PTCHD4: variants seen among roughly 807,000 people sequenced by gnomAD.
PTCHD4 encodes patched domain containing 4, also known as patched domain-containing protein 4.
In PTCHD4, 33 loss-of-function variants were observed where a neutral mutation model predicts 58.1. The ratio of observed to expected loss-of-function variants is 0.57; its 90% CI spans 0.43 to 0.76. PTCHD4 has a LOEUF of 0.76. PTCHD4 is among the 30% of genes least tolerant of loss of function. PTCHD4 has a pLI of 0.00. For synonymous variants in PTCHD4, 478 were observed against 409.6 expected (o/e 1.17, Z -2.02); for missense variants, 1,058 against 1,027.1 (o/e 1.03, Z -0.41).
intron 1 of PTCHD4, among the ~76,000 whole-genome samples, chr6:48,082,604 C>T (rs1217912459): frequency 6.6e-6 from 1 of 152,152 alleles, no homozygotes; most frequent in Non-Finnish European, 1.5e-5. Flanking sequence ...CCCAAGATGC[C>T]ATCCCTGCCA....
rs10807378 is a variant in PTCHD4 at position 47,865,395 on chromosome 6, T to C, written c.*12908A>G. Among the ~76,000 whole-genome samples, 112,081 of 151,686 alleles carry C rather than the reference T, an allele frequency of 0.74. 41,633 individuals are homozygous for C. The highest frequency in any genetic ancestry group is 0.84 in the East Asian group (4,305 of 5,118). On this transcript the variant is annotated 3_prime_UTR_variant, in exon 5 of 5. Coordinates refer to ENST00000339488, the MANE Select transcript of PTCHD4 (RefSeq NM_001384253.1). ...TTTCCTGAAAATTTGTGGTAAAGCT[T>C]TACAAATGTTATAAAAATGGGCCAC...
chr6:47,949,083 TCTTAGATCA>T (rs1193515432), intron 4 of PTCHD4, among the ~76,000 whole-genome samples: 1 of 152,194 alleles, frequency 6.6e-6, no homozygotes, highest in Non-Finnish European at 1.5e-5. Context: ...AATGCATATT[TCTTAGATCA>T]CGAAGAGGAT....
intron 3 of PTCHD4, among the ~76,000 whole-genome samples, chr6:48,051,092 T>C (rs1764218858): frequency 6.6e-6 from 1 of 151,928 alleles, no homozygotes; most frequent in Non-Finnish European, 1.5e-5. Flanking sequence ...TTTCAATCAG[T>C]AAACTGTGAG....
intron 4 of PTCHD4, among the ~76,000 whole-genome samples, chr6:47,961,862 CA>C (rs1336312200): frequency 1.4e-4 from 21 of 151,556 alleles, no homozygotes; most frequent in Non-Finnish European, 2.1e-4. Flanking sequence ...AGGAAACTAG[CA>C]AAATAAAATG....
At chr6:48,015,550 G>C (rs1425432219) in intron 3 of PTCHD4, among the ~76,000 whole-genome samples, 1 of 151,760 alleles carries the variant, frequency 6.6e-6, no homozygotes, top group African/African-American at 2.4e-5. Context: ...TGCATCAGCT[G>C]TTCCCTCTGC....
At chr6:47,938,133 A>G in intron 4 of PTCHD4, among the ~76,000 whole-genome samples, 1 of 152,212 alleles carries the variant, frequency 6.6e-6, no homozygotes, top group East Asian at 1.9e-4. Flanking sequence ...AGCCTGGGCG[A>G]CAGAGAGAGA....
chr6:47,992,316 T>C (rs1768309355), intron 4 of PTCHD4, among the ~76,000 whole-genome samples: 1 of 152,142 alleles, frequency 6.6e-6, no homozygotes, highest in South Asian at 2.1e-4. Flanking sequence ...CACACACACA[T>C]ACATATGCAC....
chr6:47,950,478 A>G (rs78226800), intron 4 of PTCHD4, among the ~76,000 whole-genome samples: 7,315 of 152,242 alleles, frequency 0.048, 208 homozygotes, highest in African/African-American at 0.063. Context: ...TAGATATTGG[A>G]TGAGAAAGAT....
intron 4 of PTCHD4, among the ~76,000 whole-genome samples, chr6:47,894,251 A>C (rs1216295584): frequency 6.6e-6 from 1 of 152,264 alleles, no homozygotes; most frequent in Non-Finnish European, 1.5e-5. Context: ...CCCTTTCAGC[A>C]GTCCACAGCT....
In PTCHD4 at chr6:47,866,729, C is replaced by T. The variant is rs914315702; in HGVS notation, c.*11574G>A. Among the ~76,000 whole-genome samples the T allele has an allele frequency of 6.6e-6, 1 of 151,796 alleles. No individual in the cohort carries two copies. The highest frequency in any genetic ancestry group is 1.5e-5 in the Non-Finnish European group (1 of 67,854). On this transcript the variant is annotated 3_prime_UTR_variant, in exon 5 of 5. Transcript: ENST00000339488. ...GGGAGCACCACTATTATAATTAAAA[C>T]TTTAACTATTAAAAAGGACAAGGGT... is the stretch of plus-strand genomic sequence containing the variant.
chr6:48,033,097 A>G lies in PTCHD4; in HGVS notation c.418-23983T>C, dbSNP rs75785299. 7.3e-3 allele frequency among the ~76,000 whole-genome samples: 1,114 copies of G among 152,232 alleles called. 8 individuals carry two copies. Among genetic ancestry groups the G allele is most frequent in the African/African-American group, 0.024 (995 of 41,554 alleles). Reference sequence around the variant, plus strand: ...GGGTTATGATTATAAAAAGAAACCAATTGGTCTAATTTATACATGAAATTC... The same window carrying G: ...GGGTTATGATTATAAAAAGAAACCAGTTGGTCTAATTTATACATGAAATTC... On this transcript the variant is annotated intron_variant, in intron 3 of 4. Coordinates refer to ENST00000339488, the MANE Select transcript of PTCHD4 (RefSeq NM_001384253.1).
At position 48,111,191 on chromosome 6, in the gene PTCHD4, T is replaced by G. The variant is rs1765869518; in HGVS notation, c.-1112A>C. ...GCATCCCTCTACCGATGGCCAGACT[T>G]CTCACTGGGCAAGTCTGGGCAAGCC... On this transcript the variant is annotated 5_prime_UTR_variant, in exon 1 of 5. Transcript: ENST00000339488. Among the ~76,000 whole-genome samples, 2 of 152,124 alleles carry G rather than the reference T, an allele frequency of 1.3e-5. No homozygotes were observed. The highest frequency in any genetic ancestry group is 4.1e-4 in the South Asian group (2 of 4,824).
intron 4 of PTCHD4, among the ~76,000 whole-genome samples, chr6:47,885,403 C>T (rs769910005): frequency 2.0e-5 from 3 of 152,112 alleles, no homozygotes; most frequent in Non-Finnish European, 4.4e-5. Flanking sequence ...AACATGCCCC[C>T]ATTTAACAAT....
In PTCHD4 at chr6:47,863,004, G is replaced by C. The variant is rs1203271839; in HGVS notation, c.*15299C>G. Among the ~76,000 whole-genome samples the C allele has an allele frequency of 2.6e-5, 4 of 152,038 alleles. No individual in the cohort carries two copies. In the East Asian group the frequency reaches 7.8e-4, roughly 30 times the overall value. ...TCAAAGAATAGGCTTCATTTTGCCA[G>C]TGTTGAAGCCATTTTAATTTCAAGT... On this transcript the variant is annotated 3_prime_UTR_variant, in exon 5 of 5. Coordinates refer to ENST00000339488, the MANE Select transcript of PTCHD4 (RefSeq NM_001384253.1).
At chr6:47,957,195 A>G (rs1207894867) in intron 4 of PTCHD4, among the ~76,000 whole-genome samples, 1 of 149,366 alleles carries the variant, frequency 6.7e-6, no homozygotes, top group African/African-American at 2.5e-5. Flanking sequence ...TGCCTTTTAT[A>G]TATTAAATAT....
intron 3 of PTCHD4, among the ~76,000 whole-genome samples, chr6:48,038,406 C>T (rs1763722732): frequency 6.6e-6 from 1 of 151,962 alleles, no homozygotes; most frequent in African/African-American, 2.4e-5. Flanking sequence ...CTTTGGGAGG[C>T]CGAGGCGGGC....
At chr6:47,992,304 T>C (rs1416459811) in intron 4 of PTCHD4, among the ~76,000 whole-genome samples, 5 of 152,080 alleles carry the variant, frequency 3.3e-5, no homozygotes, top group South Asian at 2.1e-4. Flanking sequence ...CATATATATA[T>C]ACACACACAC....
At chr6:48,027,815 A>G (rs1400875876) in intron 3 of PTCHD4, among the ~76,000 whole-genome samples, 1 of 152,120 alleles carries the variant, frequency 6.6e-6, no homozygotes, top group African/African-American at 2.4e-5. Flanking sequence ...GGGAAAGACA[A>G]TTCACAACTG....
At chr6:47,921,957 AAAAGAAAAGAAAAG>A (rs1765445697) in intron 4 of PTCHD4, among the ~76,000 whole-genome samples, 1 of 117,080 alleles carries the variant, frequency 8.5e-6, no homozygotes, top group Non-Finnish European at 1.9e-5. Context: ...AAAAAAAAAA[AAAAGAAAAGAAAAG>A]AAAAGAAAAG....
Sources: gnomAD v4.1 joint callset for allele counts (sites outside exome capture counted in the v4.1 genomes callset) on GRCh38, gnomAD v4.1.1 for gene constraint, MANE v1.5 for transcripts, NCBI Gene and HGNC (gene_info 2026-07-23, HGNC 2026-07-21) for gene names.